ITGA9: variants seen among roughly 807,000 people sequenced by gnomAD.
The protein encoded by ITGA9 is integrin alpha-9.
A neutral mutation model predicts 127.8 loss-of-function variants in ITGA9; 56 were observed. The ratio of observed to expected loss-of-function variants is 0.44; its 90% CI spans 0.35 to 0.55. The LOEUF (loss-of-function observed/expected upper bound fraction) is 0.55. Ranked by LOEUF, ITGA9 falls within the 20% of genes least tolerant of loss-of-function variation. The probability of loss-of-function intolerance (pLI) is 0.00; values close to 1 mark genes in which losing one functional copy is unlikely to be tolerated. For missense variants in ITGA9, 1,196 were observed against 1,347.1 expected (o/e 0.89, Z 1.76); for synonymous variants, 508 against 514.5 (o/e 0.99, Z 0.17).
At chr3:37,659,930 G>A (rs1700516562) in intron 17 of ITGA9, among the ~76,000 whole-genome samples, 1 of 151,980 alleles carries the variant, frequency 6.6e-6, no homozygotes, top group African/African-American at 2.4e-5. Flanking sequence ...TCAAAGGAAA[G>A]TAATACTAAG....
At chr3:37,526,213 C>T in intron 13 of ITGA9, 142 bp downstream of exon 13, 2 of 761,980 alleles carry the variant, frequency 2.6e-6, no homozygotes, top group South Asian at 1.5e-5. Flanking sequence ...CTTATTTTCT[C>T]ATTCTAATTA....
intron 18 of ITGA9, among the ~76,000 whole-genome samples, chr3:37,728,423 G>GA (rs1267677661): frequency 6.6e-6 from 1 of 152,140 alleles, no homozygotes; most frequent in African/African-American, 2.4e-5. Flanking sequence ...TTTATTTAAA[G>GA]AATTACCTTG....
intron 15 of ITGA9, among the ~76,000 whole-genome samples, chr3:37,569,002 C>G (rs1232698602): frequency 6.6e-6 from 1 of 152,202 alleles, no homozygotes; most frequent in Admixed American, 6.5e-5. Flanking sequence ...CGTTTTCACA[C>G]TGCTGATAAA....
intron 11 of ITGA9, among the ~76,000 whole-genome samples, chr3:37,522,164 A>G (rs1288153716): frequency 2.0e-5 from 3 of 152,060 alleles, no homozygotes; most frequent in Admixed American, 2.0e-4. Context: ...ACCTGGTTCT[A>G]TTGTACTTTG....
At chr3:37,725,685 T>G (rs1461337754) in intron 18 of ITGA9, among the ~76,000 whole-genome samples, 1 of 152,216 alleles carries the variant, frequency 6.6e-6, no homozygotes, top group African/African-American at 2.4e-5. Flanking sequence ...GATAATGGAT[T>G]TAAAACACTA....
chr3:37,469,998 T>C (rs1316443453), intron 1 of ITGA9, among the ~76,000 whole-genome samples: 3 of 152,190 alleles, frequency 2.0e-5, no homozygotes, highest in Admixed American at 2.0e-4. Context: ...GGTTTCACCA[T>C]GTTGCCCAGA....
chr3:37,643,865 TCTCA>T (rs1182102966), intron 16 of ITGA9, among the ~76,000 whole-genome samples: 5 of 152,218 alleles, frequency 3.3e-5, no homozygotes, highest in African/African-American at 4.8e-5. Context: ...GCATTTTTTT[TCTCA>T]CTCCCAGTTG....
At chr3:37,529,449 AAAGCCAG>A (rs1320717101) in intron 13 of ITGA9, among the ~76,000 whole-genome samples, 2 of 152,110 alleles carry the variant, frequency 1.3e-5, no homozygotes, top group African/African-American at 4.8e-5. Flanking sequence ...TGATGGGGCA[AAAGCCAG>A]ATGGCAGTGG....
chr3:37,724,143 A>G (rs1701220616), intron 18 of ITGA9, among the ~76,000 whole-genome samples: 1 of 152,162 alleles, frequency 6.6e-6, no homozygotes, highest in South Asian at 2.1e-4. Flanking sequence ...GCCTCTGGGC[A>G]CACAGCTGCA....
chr3:37,760,084 G>T (rs2125542447), intron 23 of ITGA9, among the ~76,000 whole-genome samples: 1 of 151,940 alleles, frequency 6.6e-6, no homozygotes, highest in Middle Eastern at 3.4e-3. Flanking sequence ...AGCTGGGAGT[G>T]GTGGCAGATG....
chr3:37,570,580 G>A (rs1036759344), intron 15 of ITGA9, among the ~76,000 whole-genome samples: 10 of 152,214 alleles, frequency 6.6e-5, no homozygotes, highest in African/African-American at 2.2e-4. Flanking sequence ...ATTCCCAGAG[G>A]AGGAGGATCT....
At chr3:37,470,751 G>A (rs745531135) in intron 1 of ITGA9, among the ~76,000 whole-genome samples, 6 of 152,008 alleles carry the variant, frequency 3.9e-5, no homozygotes, top group Non-Finnish European at 8.8e-5. Flanking sequence ...CGATCCACCC[G>A]CCTCGGCCTC....
At chr3:37,720,518 G>T (rs986446352) in intron 18 of ITGA9, among the ~76,000 whole-genome samples, 2 of 152,140 alleles carry the variant, frequency 1.3e-5, no homozygotes, top group Non-Finnish European at 2.9e-5. Context: ...AGAATTTGCA[G>T]CCTCCGAGGA....
At chr3:37,506,818 G>C (rs1451007014) in intron 7 of ITGA9, among the ~76,000 whole-genome samples, 1 of 152,216 alleles carries the variant, frequency 6.6e-6, no homozygotes, top group Non-Finnish European at 1.5e-5. Flanking sequence ...GGGAAAGACT[G>C]AGTGAACAGA....
chr3:37,612,324 A>T (rs908346649), intron 15 of ITGA9, among the ~76,000 whole-genome samples: 2 of 152,218 alleles, frequency 1.3e-5, no homozygotes, highest in Non-Finnish European at 2.9e-5. Flanking sequence ...ACTGAAATGG[A>T]GTTATCAAAA....
At chr3:37,630,773 T>TGCCCCAGGAGAGTG (rs1700223447) in intron 16 of ITGA9, among the ~76,000 whole-genome samples, 1 of 152,130 alleles carries the variant, frequency 6.6e-6, no homozygotes, top group African/African-American at 2.4e-5. Flanking sequence ...ACAACACAAG[T>TGCCCCAGGAGAGTG]GCCCCAGGAG....
At position 37,803,873 on chromosome 3, in the gene ITGA9, G is replaced by T. The variant is rs1181056858; in HGVS notation, c.2940G>T (p.Gly980=). Residue 980 remains glycine, a synonymous_variant, in exon 27 of 28, where the codon GGG becomes GGT. Coordinates refer to ENST00000264741, the MANE Select transcript of ITGA9 (RefSeq NM_002207.3). ...HNLEPRGYVV[G]WIIAISLLVG... is the part of the protein sequence containing the mutation. ...TGGAGCCCCGTGGCTACGTCGTGGG[G>T]TGGATCATCGCCATCAGTTTGTTGG... 6.2e-7 allele frequency: 1 copy of T among 1,614,210 alleles called. No individual in the cohort carries two copies. Among genetic ancestry groups the T allele is most frequent in the African/African-American group, 1.3e-5 (1 of 75,048 alleles).
chr3:37,525,306 A>G (rs1282168619), intron 12 of ITGA9, among the ~76,000 whole-genome samples: 1 of 152,264 alleles, frequency 6.6e-6, no homozygotes. Flanking sequence ...TCATATATTT[A>G]ATAAATATTT....
chr3:37,708,125 G>A (rs1701027810), intron 18 of ITGA9, among the ~76,000 whole-genome samples: 1 of 152,056 alleles, frequency 6.6e-6, no homozygotes, highest in Admixed American at 6.6e-5. Context: ...GGCCAGGCTC[G>A]GCTGTTCTTG....
Sources: allele counts gnomAD v4.1 joint callset (sites outside exome capture counted in the v4.1 genomes callset), GRCh38; gene constraint gnomAD v4.1.1; transcripts MANE v1.5; gene names NCBI Gene and HGNC (gene_info 2026-07-23, HGNC 2026-07-21).